Variants in GALNTL6 observed in about 807,000 individuals in gnomAD.
The protein encoded by GALNTL6 is polypeptide N-acetylgalactosaminyltransferase like 6.
GALNTL6 carries 46 observed loss-of-function variants against 73.7 expected under a neutral mutation model. The ratio of observed to expected loss-of-function variants is 0.62; its 90% CI spans 0.49 to 0.80. GALNTL6 has a LOEUF of 0.80. Ranked by LOEUF, GALNTL6 falls within the 30% of genes least tolerant of loss-of-function variation. The probability of loss-of-function intolerance (pLI) is 0.00; values close to 1 mark genes in which losing one functional copy is unlikely to be tolerated. For missense variants in GALNTL6, 604 were observed against 755.0 expected (o/e 0.80, Z 2.34); for synonymous variants, 259 against 263.7 (o/e 0.98, Z 0.17).
At chr4:173,032,837 C>T (rs1278147798) in intron 12 of GALNTL6, among the ~76,000 whole-genome samples, 1 of 151,118 alleles carries the variant, frequency 6.6e-6, no homozygotes, top group East Asian at 1.9e-4. Flanking sequence ...TTTTCATGAT[C>T]CCGGCTGCTC....
chr4:172,219,396 G>A lies in GALNTL6; in HGVS notation c.139-10260G>A, dbSNP rs904146641. 2.0e-5 allele frequency among the ~76,000 whole-genome samples: 3 copies of A among 151,384 alleles called. No homozygotes were observed. The East Asian group carries it at 5.8e-4, about 29-fold the overall frequency. ...CTTTTGTTTTGTTTTATGACCAAAT[G>A]CCCATAAATCTTTCTCAACATTTAT... On this transcript the variant is annotated intron_variant, in intron 2 of 12. Transcript: ENST00000506823.
intron 2 of GALNTL6, among the ~76,000 whole-genome samples, chr4:171,868,577 TCA>T: frequency 6.6e-6 from 1 of 152,198 alleles, no homozygotes; most frequent in Non-Finnish European, 1.5e-5. Context: ...AAATTATATT[TCA>T]CCTAGGACAT....
intron 2 of GALNTL6, among the ~76,000 whole-genome samples, chr4:171,921,032 G>A (rs1236937307): frequency 6.6e-6 from 1 of 151,864 alleles, no homozygotes; most frequent in African/African-American, 2.4e-5. Flanking sequence ...GTCATGACTG[G>A]CATGTATCTT....
intron 4 of GALNTL6, among the ~76,000 whole-genome samples, chr4:172,322,327 T>C (rs1740788273): frequency 6.6e-6 from 1 of 152,114 alleles, no homozygotes; most frequent in Non-Finnish European, 1.5e-5. Context: ...ACACTCTACC[T>C]TATGCCCCCT....
At chr4:171,856,606 A>T (rs1735698766) in intron 2 of GALNTL6, among the ~76,000 whole-genome samples, 3 of 152,120 alleles carry the variant, frequency 2.0e-5, no homozygotes, top group African/African-American at 7.2e-5. Flanking sequence ...TATTAATGTA[A>T]GGTCTGTCTC....
intron 3 of GALNTL6, among the ~76,000 whole-genome samples, chr4:172,305,717 C>G (rs1561016983): frequency 2.0e-5 from 3 of 152,038 alleles, no homozygotes; most frequent in Non-Finnish European, 4.4e-5. Flanking sequence ...ATAGAATTTG[C>G]AGTAAAAACT....
intron 5 of GALNTL6, among the ~76,000 whole-genome samples, chr4:172,467,807 TTTC>T (rs929420529): frequency 7.1e-4 from 5 of 6,998 alleles, no homozygotes; most frequent in African/African-American, 1.5e-3. Flanking sequence ...CATTTTACAT[TTTC>T]TTTCTTTCTT....
intron 2 of GALNTL6, among the ~76,000 whole-genome samples, chr4:171,946,702 C>G (rs1027001080): frequency 1.3e-5 from 2 of 152,144 alleles, no homozygotes; most frequent in Non-Finnish European, 2.9e-5. Flanking sequence ...GAGGCGGCCT[C>G]TCCAATGCCA....
intron 5 of GALNTL6, among the ~76,000 whole-genome samples, chr4:172,495,626 T>C (rs1043525313): frequency 6.6e-6 from 1 of 152,140 alleles, no homozygotes; most frequent in Non-Finnish European, 1.5e-5. Flanking sequence ...GAAACAGAGC[T>C]TCAGCCTCTA....
intron 5 of GALNTL6, among the ~76,000 whole-genome samples, chr4:172,644,000 T>C (rs1365156675): frequency 6.6e-6 from 1 of 151,968 alleles, no homozygotes; most frequent in Non-Finnish European, 1.5e-5. Flanking sequence ...TCCAATTATA[T>C]TCCTACCTTC....
At chr4:173,015,795 G>A (rs1752757193) in intron 11 of GALNTL6, among the ~76,000 whole-genome samples, 1 of 152,206 alleles carries the variant, frequency 6.6e-6, no homozygotes, top group Non-Finnish European at 1.5e-5. Context: ...CATAATTAAT[G>A]AGCAGCCAAA....
intron 5 of GALNTL6, among the ~76,000 whole-genome samples, chr4:172,571,997 A>G (rs1371226979): frequency 6.6e-5 from 10 of 152,154 alleles, no homozygotes; most frequent in Non-Finnish European, 1.3e-4. Flanking sequence ...TTCTATGTAC[A>G]GTAATCCTGT....
Position 172,311,147 on chromosome 4 carries a change from C to G in GALNTL6, c.248-467C>G, listed in dbSNP as rs181852107. ...TTCCATTTCTGGGGATTTATGCTTC[C>G]CCTTCAAAAATGCATAACTGTGAAA... On this transcript the variant is annotated intron_variant, in intron 3 of 12. Coordinates refer to ENST00000506823, the MANE Select transcript of GALNTL6 (RefSeq NM_001034845.3). 7.5e-4 allele frequency among the ~76,000 whole-genome samples: 114 copies of G among 152,072 alleles called. 1 individual carries two copies. The Middle Eastern group carries it at 0.034, about 45-fold the overall frequency.
intron 5 of GALNTL6, among the ~76,000 whole-genome samples, chr4:172,478,336 T>C (rs1345624908): frequency 6.6e-6 from 1 of 151,890 alleles, no homozygotes; most frequent in Non-Finnish European, 1.5e-5. Context: ...TGGAACAGAG[T>C]AGAGAACACC....
At chr4:172,523,741 ACT>A (rs1328867901) in intron 5 of GALNTL6, among the ~76,000 whole-genome samples, 2 of 151,796 alleles carry the variant, frequency 1.3e-5, no homozygotes, top group Non-Finnish European at 2.9e-5. Flanking sequence ...CCTTCTGTAA[ACT>A]CTTAAGTGTC....
In GALNTL6 at chr4:172,991,468, G is replaced by A. The variant is rs562282908; in HGVS notation, c.1372-17710G>A. On this transcript the variant is annotated intron_variant, in intron 10 of 12. Transcript: ENST00000506823. ...GGCTGCAGTGCAGTGGCATGATCTC[G>A]GCTCACTGCAATTCTCTGCCTCCCA... Among the ~76,000 whole-genome samples, 8 of 151,716 alleles carry A rather than the reference G, an allele frequency of 5.3e-5. No individual in the cohort carries two copies. In the South Asian group the frequency reaches 8.4e-4, roughly 16 times the overall value.
At chr4:172,701,023 A>G (rs1305420972) in intron 5 of GALNTL6, among the ~76,000 whole-genome samples, 1 of 152,110 alleles carries the variant, frequency 6.6e-6, no homozygotes, top group Non-Finnish European at 1.5e-5. Context: ...TTTGCCTGAG[A>G]AGTAGAAATT....
chr4:172,723,027 T>G (rs887765073), intron 5 of GALNTL6, among the ~76,000 whole-genome samples: 2 of 152,132 alleles, frequency 1.3e-5, no homozygotes, highest in African/African-American at 4.8e-5. Context: ...TCCATTTTCT[T>G]GACTTTTCTA....
intron 5 of GALNTL6, among the ~76,000 whole-genome samples, chr4:172,778,713 C>T (rs1052388646): frequency 1.3e-5 from 2 of 152,164 alleles, no homozygotes; most frequent in Admixed American, 6.5e-5. Context: ...TCAACTGTCA[C>T]GACCAAACTT....
Sources: allele counts gnomAD v4.1 joint callset (sites outside exome capture counted in the v4.1 genomes callset), GRCh38; gene constraint gnomAD v4.1.1; transcripts MANE v1.5; gene names NCBI Gene and HGNC (gene_info 2026-07-23, HGNC 2026-07-21).